VWC2: variants seen among roughly 807,000 people sequenced by gnomAD.
The protein encoded by VWC2 is brorin.
A neutral mutation model predicts 29.8 loss-of-function variants in VWC2; 14 were observed. The observed-to-expected ratio is 0.47, with a 90% CI of 0.31 to 0.74. The LOEUF (loss-of-function observed/expected upper bound fraction) is 0.74, where lower values mean the gene tolerates loss of function less well. Among genes scored for constraint, VWC2 ranks in the 30% least tolerant of loss-of-function variants. VWC2 has a pLI of 0.05. For synonymous variants in VWC2, 213 were observed against 199.0 expected (o/e 1.07, Z -0.59); for missense variants, 457 against 459.8 (o/e 0.99, Z 0.05).
At chr7:49,830,787 C>A (rs181961204) in intron 3 of VWC2, among the ~76,000 whole-genome samples, 1 of 151,988 alleles carries the variant, frequency 6.6e-6, no homozygotes, top group East Asian at 1.9e-4. Context: ...TTTGTCCTTG[C>A]GATAGTTTGC....
At chr7:49,778,405 G>A (rs1788096527) in intron 2 of VWC2, among the ~76,000 whole-genome samples, 1 of 152,180 alleles carries the variant, frequency 6.6e-6, no homozygotes, top group Admixed American at 6.5e-5. Context: ...CAGATGCTGG[G>A]ATGCACACAT....
In VWC2 at chr7:49,877,481, A is replaced by AAAAATATACATATATATATATATATATAT; in HGVS notation, c.827-34552_827-34551insAAATATACATATATATATATATATATATA. On this transcript the variant is annotated intron_variant, in intron 3 of 3. Coordinates refer to ENST00000340652, the MANE Select transcript of VWC2 (RefSeq NM_198570.5). Reference sequence around the variant, plus strand: ...CTGTCTCAAAAAAAAAAAAAAAAAAAATATATATATATATATATATATATA... The same window carrying AAAAATATACATATATATATATATATATAT: ...CTGTCTCAAAAAAAAAAAAAAAAAAAAAAATATACATATATATATATATATATATATATATATATATATATATATATATA... Among the ~76,000 whole-genome samples the AAAAATATACATATATATATATATATATAT allele has an allele frequency of 3.9e-4, 5 of 12,730 alleles. 1 individual carries two copies. Among genetic ancestry groups the AAAAATATACATATATATATATATATATAT allele is most frequent in the Admixed American group, 2.8e-3 (2 of 714 alleles). The allele number at this position is 12,730 out of a possible 152,430, so 8.4% of individuals were successfully genotyped here.
chr7:49,819,807 G>A (rs75188715), intron 3 of VWC2, among the ~76,000 whole-genome samples: 3,995 of 152,216 alleles, frequency 0.026, 75 homozygotes, highest in Non-Finnish European at 0.039. Context: ...TGTTAGTGTG[G>A]GCTCCTCTGG....
chr7:49,852,038 G>A (rs1050262480), intron 3 of VWC2, among the ~76,000 whole-genome samples: 2 of 152,148 alleles, frequency 1.3e-5, no homozygotes, highest in African/African-American at 2.4e-5. Flanking sequence ...GATTTAATCC[G>A]GATTAAACCA....
At chr7:49,859,779 TGCGC>T (rs1351738285) in intron 3 of VWC2, among the ~76,000 whole-genome samples, 5 of 120,538 alleles carry the variant, frequency 4.1e-5, no homozygotes, top group Non-Finnish European at 8.6e-5. Flanking sequence ...TGTCTTACAG[TGCGC>T]GTGCGTGCAC....
chr7:49,777,363 A>G (rs1396094718), intron 2 of VWC2, among the ~76,000 whole-genome samples: 1 of 152,226 alleles, frequency 6.6e-6, no homozygotes, highest in African/African-American at 2.4e-5. Context: ...CAAGTGTTAT[A>G]TAAGTACAAA....
chr7:49,907,906 C>G (rs561361173), intron 3 of VWC2, among the ~76,000 whole-genome samples: 4 of 152,188 alleles, frequency 2.6e-5, no homozygotes, highest in East Asian at 1.9e-4. Flanking sequence ...TCCAGTAGCA[C>G]GCTTCAGAGC....
At chr7:49,878,124 G>A (rs1465035425) in intron 3 of VWC2, among the ~76,000 whole-genome samples, 1 of 151,918 alleles carries the variant, frequency 6.6e-6, no homozygotes, top group Non-Finnish European at 1.5e-5. Flanking sequence ...ATGTTAATTG[G>A]TGCTTCTACC....
chr7:49,861,162 T>C (rs1458183133), intron 3 of VWC2, among the ~76,000 whole-genome samples: 2 of 152,212 alleles, frequency 1.3e-5, no homozygotes, highest in African/African-American at 4.8e-5. Context: ...TCACCAACAG[T>C]TGTTATTTTT....
At chr7:49,853,738 A>G (rs1389482742) in intron 3 of VWC2, among the ~76,000 whole-genome samples, 1 of 151,964 alleles carries the variant, frequency 6.6e-6, no homozygotes, top group East Asian at 1.9e-4. Context: ...ATTATACTTT[A>G]AGTTCTAGGG....
At chr7:49,858,065 T>C (rs1245539110) in intron 3 of VWC2, among the ~76,000 whole-genome samples, 5 of 152,190 alleles carry the variant, frequency 3.3e-5, no homozygotes, top group Admixed American at 3.3e-4. Flanking sequence ...CCCTGAGGAA[T>C]CACCACACTG....
At chr7:49,810,367 A>G in intron 3 of VWC2, among the ~76,000 whole-genome samples, 1 of 152,126 alleles carries the variant, frequency 6.6e-6, no homozygotes, top group Admixed American at 6.5e-5. Context: ...AAAAGCTGCA[A>G]AATATTGCTG....
chr7:49,804,401 T>C (rs1249681661), intron 3 of VWC2, among the ~76,000 whole-genome samples: 1 of 152,138 alleles, frequency 6.6e-6, no homozygotes, highest in Non-Finnish European at 1.5e-5. Flanking sequence ...AGCTGAGGGC[T>C]GGCGCTCAGG....
intron 3 of VWC2, among the ~76,000 whole-genome samples, chr7:49,895,378 A>T (rs1792333171): frequency 6.6e-6 from 1 of 152,204 alleles, no homozygotes; most frequent in Non-Finnish European, 1.5e-5. Context: ...GGGGACACCA[A>T]TATTCAGATC....
At chr7:49,844,976 C>A (rs1178433495) in intron 3 of VWC2, among the ~76,000 whole-genome samples, 1 of 152,220 alleles carries the variant, frequency 6.6e-6, no homozygotes, top group East Asian at 1.9e-4. Context: ...AGCCACCGCA[C>A]CCGGCCGGCA....
chr7:49,797,581 G>A (rs1406640361), intron 2 of VWC2, among the ~76,000 whole-genome samples: 1 of 152,134 alleles, frequency 6.6e-6, no homozygotes. Flanking sequence ...CCTGTTTGTG[G>A]GGGTCAGGTC....
At chr7:49,899,082 A>G (rs1792562225) in intron 3 of VWC2, among the ~76,000 whole-genome samples, 1 of 152,070 alleles carries the variant, frequency 6.6e-6, no homozygotes, top group South Asian at 2.1e-4. Context: ...ACACACCACT[A>G]TTTGTTGTCT....
At chr7:49,844,700 T>TA (rs1789879572) in intron 3 of VWC2, among the ~76,000 whole-genome samples, 1 of 152,168 alleles carries the variant, frequency 6.6e-6, no homozygotes, top group Non-Finnish European at 1.5e-5. Context: ...TTTTTATTTT[T>TA]ATTTTTTTTG....
intron 3 of VWC2, among the ~76,000 whole-genome samples, chr7:49,846,547 A>G (rs1431168316): frequency 6.6e-6 from 1 of 152,188 alleles, no homozygotes; most frequent in East Asian, 1.9e-4. Context: ...GATGAGCTCA[A>G]GGCTTATCAC....
Sources: allele counts gnomAD v4.1 joint callset (sites outside exome capture counted in the v4.1 genomes callset), GRCh38; gene constraint gnomAD v4.1.1; transcripts MANE v1.5; gene names NCBI Gene and HGNC (gene_info 2026-07-23, HGNC 2026-07-21).